Variants in MAGI2 observed in about 807,000 individuals in gnomAD.
MAGI2 encodes membrane associated guanylate kinase, WW and PDZ domain containing 2, also known as membrane-associated guanylate kinase, WW and PDZ domain-containing protein 2.
A neutral mutation model predicts 133.3 loss-of-function variants in MAGI2; 35 were observed. The ratio of observed to expected loss-of-function variants is 0.26; its 90% CI spans 0.20 to 0.35. The LOEUF (loss-of-function observed/expected upper bound fraction) is 0.35. Ranked by LOEUF, MAGI2 falls within the 10% of genes least tolerant of loss-of-function variation. The probability of loss-of-function intolerance (pLI) is 1.00; values close to 1 mark genes in which losing one functional copy is unlikely to be tolerated. For synonymous variants in MAGI2, 729 were observed against 710.6 expected (o/e 1.03, Z -0.41); for missense variants, 1,636 against 1,863.4 (o/e 0.88, Z 2.25).
chr7:78,331,161 G>A (rs1055289105), intron 9 of MAGI2, among the ~76,000 whole-genome samples: 1 of 152,142 alleles, frequency 6.6e-6, no homozygotes, highest in South Asian at 2.1e-4. Flanking sequence ...GTTAAACATT[G>A]GGTACATATG....
At chr7:78,031,736 T>G (rs1043655030) in intron 21 of MAGI2, among the ~76,000 whole-genome samples, 1 of 152,210 alleles carries the variant, frequency 6.6e-6, no homozygotes, top group Non-Finnish European at 1.5e-5. Context: ...AAAGTACTTA[T>G]GTCACGGGAG....
intron 1 of MAGI2, among the ~76,000 whole-genome samples, chr7:79,043,577 C>CA (rs1236274717): frequency 7.9e-5 from 10 of 127,318 alleles, no homozygotes; most frequent in Admixed American, 4.7e-4. Flanking sequence ...AATTGAGACA[C>CA]AAAAAACCAT....
intron 7 of MAGI2, among the ~76,000 whole-genome samples, chr7:78,368,180 A>C (rs1057395276): frequency 6.6e-6 from 1 of 152,226 alleles, no homozygotes; most frequent in African/African-American, 2.4e-5. Flanking sequence ...GATTTTACTT[A>C]TCTGTACATT....
chr7:78,802,299 C>T (rs1788134668), intron 2 of MAGI2, among the ~76,000 whole-genome samples: 1 of 151,860 alleles, frequency 6.6e-6, no homozygotes, highest in African/African-American at 2.4e-5. Flanking sequence ...TTTTTAATGC[C>T]TGTATTCTAA....
chr7:78,261,645 T>C (rs929098465), intron 9 of MAGI2, among the ~76,000 whole-genome samples: 1 of 152,132 alleles, frequency 6.6e-6, no homozygotes, highest in Non-Finnish European at 1.5e-5. Flanking sequence ...TTCTAACTTC[T>C]GTTTTTGCCA....
intron 3 of MAGI2, among the ~76,000 whole-genome samples, chr7:78,588,107 A>T (rs1002820433): frequency 6.6e-6 from 1 of 152,244 alleles, no homozygotes; most frequent in Non-Finnish European, 1.5e-5. Flanking sequence ...TGATGAAATA[A>T]AACATTGCTG....
intron 1 of MAGI2, among the ~76,000 whole-genome samples, chr7:79,450,321 T>C (rs772805475): frequency 1.1e-4 from 17 of 151,894 alleles, no homozygotes; most frequent in South Asian, 8.3e-4. Flanking sequence ...ACACAGGCAC[T>C]ATAGTAAAGG....
At chr7:79,003,303 T>C (rs2116481766) in intron 2 of MAGI2, among the ~76,000 whole-genome samples, 1 of 152,270 alleles carries the variant, frequency 6.6e-6, no homozygotes, top group South Asian at 2.1e-4. Flanking sequence ...CAGATGTAGT[T>C]GGTGGTAGAG....
chr7:78,234,417 C>T (rs906678399), intron 10 of MAGI2, among the ~76,000 whole-genome samples: 6 of 151,958 alleles, frequency 3.9e-5, no homozygotes, highest in Admixed American at 1.3e-4. Flanking sequence ...TATGAAATAA[C>T]GTTAATTAGG....
intron 2 of MAGI2, among the ~76,000 whole-genome samples, chr7:78,934,518 G>A (rs1040652092): frequency 2.0e-5 from 3 of 152,144 alleles, no homozygotes; most frequent in Non-Finnish European, 4.4e-5. Context: ...TTCAGTGTGA[G>A]GAATGATGGC....
intron 2 of MAGI2, among the ~76,000 whole-genome samples, chr7:78,824,385 T>C (rs1023153820): frequency 2.6e-5 from 4 of 152,166 alleles, no homozygotes; most frequent in Non-Finnish European, 5.9e-5. Context: ...TAATTTATAC[T>C]CCCACCAACA....
intron 2 of MAGI2, among the ~76,000 whole-genome samples, chr7:78,913,854 G>T (rs1798594163): frequency 6.6e-6 from 1 of 152,146 alleles, no homozygotes; most frequent in Non-Finnish European, 1.5e-5. Context: ...TATGCATTAT[G>T]CAAAGTCTAT....
At chr7:78,365,304 G>T (rs1232905144) in intron 7 of MAGI2, among the ~76,000 whole-genome samples, 2 of 152,030 alleles carry the variant, frequency 1.3e-5, no homozygotes, top group Non-Finnish European at 2.9e-5. Flanking sequence ...GGGAGGCCAG[G>T]GAGGAGATGT....
chr7:78,619,005 T>TAAAAAA (rs58783152), intron 3 of MAGI2: 2 of 50,376 alleles, frequency 4.0e-5, no homozygotes, highest in Non-Finnish European at 3.6e-5. Flanking sequence ...CCAAAATCGC[T>TAAAAAA]AAAAAAAAAA....
Position 79,369,272 on chromosome 7 carries a change from G to T in MAGI2, c.301+83748C>A, listed in dbSNP as rs556388691. Among the ~76,000 whole-genome samples, 3 of 152,222 alleles carry T rather than the reference G, an allele frequency of 2.0e-5. No individual in the cohort carries two copies. The South Asian group carries it at 6.2e-4, about 32-fold the overall frequency. The stretch of plus-strand genomic sequence containing the variant: ...TAAGTATTTGGCAATTCTATTGCAG[G>T]TACCTAATTCTTCTATCTTTACTCC... On this transcript the variant is annotated intron_variant, in intron 1 of 21. Transcript: ENST00000354212.
intron 3 of MAGI2, among the ~76,000 whole-genome samples, chr7:78,591,076 A>C (rs1347846806): frequency 6.6e-6 from 1 of 152,214 alleles, no homozygotes; most frequent in Non-Finnish European, 1.5e-5. Flanking sequence ...GATTTATCTA[A>C]ACTCCAAAGA....
chr7:78,618,199 A>T (rs534812962), intron 3 of MAGI2: 2 of 152,134 alleles, frequency 1.3e-5, no homozygotes, highest in South Asian at 4.1e-4. Flanking sequence ...GCCACTGCTT[A>T]TATCTATGGG....
At chr7:78,046,975 G>A (rs990289971) in intron 21 of MAGI2, among the ~76,000 whole-genome samples, 1 of 152,060 alleles carries the variant, frequency 6.6e-6, no homozygotes, top group African/African-American at 2.4e-5. Context: ...TATATTAATT[G>A]GCAATATAAA....
intron 9 of MAGI2, among the ~76,000 whole-genome samples, chr7:78,266,732 T>C (rs1224034243): frequency 6.6e-6 from 1 of 151,730 alleles, no homozygotes; most frequent in Non-Finnish European, 1.5e-5. Flanking sequence ...ATCACGCCAC[T>C]ACACCAGGCT....
Sources: allele counts gnomAD v4.1 joint callset (sites outside exome capture counted in the v4.1 genomes callset), GRCh38; gene constraint gnomAD v4.1.1; transcripts MANE v1.5; gene names NCBI Gene and HGNC (gene_info 2026-07-23, HGNC 2026-07-21).